RAB21: variants seen among roughly 807,000 people sequenced by gnomAD.
The protein encoded by RAB21 is RAB21, member RAS oncogene family.
In RAB21, 13 loss-of-function variants were observed where a neutral mutation model predicts 33.1. The ratio of observed to expected loss-of-function variants is 0.39; its 90% CI spans 0.26 to 0.62. RAB21 has a LOEUF of 0.62. Ranked by LOEUF, RAB21 falls within the 20% of genes least tolerant of loss-of-function variation. The pLI is 0.48. For missense variants in RAB21, 234 were observed against 279.1 expected (o/e 0.84, Z 1.15); for synonymous variants, 91 against 103.7 (o/e 0.88, Z 0.74).
At chr12:71,757,822 T>A (rs1395416587) in intron 1 of RAB21, among the ~76,000 whole-genome samples, 1 of 152,232 alleles carries the variant, frequency 6.6e-6, no homozygotes, top group African/African-American at 2.4e-5. Flanking sequence ...CTACTTTGTA[T>A]TTTATAAAGT....
intron 4 of RAB21, 52 bp from the exon 5 acceptor site, chr12:71,781,979 T>A (rs1592649924): frequency 7.2e-7 from 1 of 1,394,210 alleles, no homozygotes; most frequent in East Asian, 2.5e-5. Context: ...GGCTTAATTT[T>A]GTTATGAAAA....
At chr12:71,762,066 A>G (rs1373741830) in intron 1 of RAB21, among the ~76,000 whole-genome samples, 1 of 152,200 alleles carries the variant, frequency 6.6e-6, no homozygotes, top group East Asian at 1.9e-4. Context: ...TTAGTATTTT[A>G]TAGAAGTTTG....
chr12:71,777,684 C>T (rs1416797652), intron 4 of RAB21, among the ~76,000 whole-genome samples: 1 of 152,170 alleles, frequency 6.6e-6, no homozygotes, highest in Non-Finnish European at 1.5e-5. Context: ...ACTACTTAAA[C>T]GGCTCACTTT....
intron 2 of RAB21, 65 bp from the exon 3 acceptor site, chr12:71,770,527 C>T: frequency 9.1e-7 from 1 of 1,094,620 alleles, no homozygotes; most frequent in Non-Finnish European, 1.4e-6. Context: ...AAAAAGTTCA[C>T]CATAGTTGCA....
chr12:71,782,152 C>A, intron 5 of RAB21, 67 bp downstream of exon 5: 1 of 1,431,892 alleles, frequency 7.0e-7, no homozygotes, highest in East Asian at 2.3e-5. Flanking sequence ...ATACGTTTTG[C>A]TTTACCATTT....
chr12:71,764,119 TCTCC>T (rs765826943), intron 1 of RAB21, among the ~76,000 whole-genome samples: 154 of 152,282 alleles, frequency 1.0e-3, no homozygotes, highest in Non-Finnish European at 1.2e-3. Flanking sequence ...TTAATGTTAC[TCTCC>T]CTCCTTCCGT....
intron 1 of RAB21, among the ~76,000 whole-genome samples, chr12:71,756,029 T>C (rs1297553714): frequency 6.6e-6 from 1 of 152,208 alleles, no homozygotes; most frequent in African/African-American, 2.4e-5. Flanking sequence ...ATGTTATCAT[T>C]GATTGAGAGT....
At chr12:71,772,908 C>A (rs954208092) in intron 3 of RAB21, among the ~76,000 whole-genome samples, 7 of 152,166 alleles carry the variant, frequency 4.6e-5, no homozygotes, top group Admixed American at 3.9e-4. Context: ...AAGATAGTTC[C>A]TCTTCATTCT....
chr12:71,782,691 T>C, intron 6 of RAB21, 33 bp downstream of exon 6: 4 of 1,418,488 alleles, frequency 2.8e-6, no homozygotes, highest in Admixed American at 4.6e-5. Context: ...TGTTTAGAAA[T>C]GGTTTTTGGT....
chr12:71,799,823 A>C lies in RAB21; in HGVS notation c.*14150A>C, dbSNP rs1418848912. The C allele has an allele frequency of 6.6e-6, 1 of 152,262 alleles. No homozygotes were observed. Among genetic ancestry groups the C allele is most frequent in the Non-Finnish European group, 1.5e-5 (1 of 68,090 alleles). The allele number at this position is 152,262 out of a possible 1,614,324, so 9.4% of individuals were successfully genotyped here. A position where few individuals can be genotyped will look rare whatever the true frequency, so the allele number is the denominator to read the frequency against. Reference sequence around the variant, plus strand: ...CACAGTGGTTCACACCTGTAATCCCAGCATTTTGGGAGGCCAAGATGGGCG... The same window carrying C: ...CACAGTGGTTCACACCTGTAATCCCCGCATTTTGGGAGGCCAAGATGGGCG... On this transcript the variant is annotated 3_prime_UTR_variant, in exon 7 of 7. Transcript: ENST00000261263.
At position 71,754,983 on chromosome 12, in the gene RAB21, G is replaced by A; in HGVS notation, c.-147G>A. 4 of 738,168 alleles carry A rather than the reference G, an allele frequency of 5.4e-6. No homozygotes were observed. Among genetic ancestry groups the A allele is most frequent in the African/African-American group, 1.9e-5 (1 of 52,702 alleles). 45.7% of individuals were successfully genotyped at this position (738,168 alleles called of 1,614,324 possible). A position where few individuals can be genotyped will look rare whatever the true frequency, so the allele number is the denominator to read the frequency against. On this transcript the variant is annotated 5_prime_UTR_variant, in exon 1 of 7. Coordinates refer to ENST00000261263, the MANE Select transcript of RAB21 (RefSeq NM_014999.4). The stretch of plus-strand genomic sequence containing the variant: ...TCGGACTTTCCCTCAGCCCTTCCAG[G>A]CCTCGCCCGAGGAGGGCGTGGGGAC...
intron 1 of RAB21, among the ~76,000 whole-genome samples, chr12:71,764,860 A>G (rs1882935792): frequency 1.3e-5 from 2 of 152,102 alleles, no homozygotes; most frequent in Admixed American, 6.6e-5. Context: ...TTGTTGGTTG[A>G]TGGACACTCA....
In RAB21 at chr12:71,755,326, C is replaced by T. The variant is rs541447307; in HGVS notation, c.159+38C>T. The stretch of plus-strand genomic sequence containing the variant: ...GGGAGCGGGAGGGGGCGCCTCAGGG[C>T]CCCTACCCCTCCGGGGCTGGGGAAA... On this transcript the variant is annotated intron_variant, in intron 1 of 6. Coordinates refer to ENST00000261263, the MANE Select transcript of RAB21 (RefSeq NM_014999.4). 5.5e-6 allele frequency: 8 copies of T among 1,463,212 alleles called. No homozygotes were observed. The African/African-American group carries it at 8.9e-5, about 16-fold the overall frequency. 90.6% of individuals were successfully genotyped at this position (1,463,212 alleles called of 1,614,324 possible).
chr12:71,796,056 C>G lies in RAB21; in HGVS notation c.*10383C>G, dbSNP rs1449869920. On this transcript the variant is annotated 3_prime_UTR_variant, in exon 7 of 7. Transcript: ENST00000261263. ...CTCGCCAAGAAATGCTACAAGGAGC[C>G]TCTCTGCAAATGCCTGATGGGGCAC... 1.5e-5 allele frequency: 2 copies of G among 137,366 alleles called. 1 individual carries two copies. Among genetic ancestry groups the G allele is most frequent in the African/African-American group, 5.9e-5 (2 of 34,010 alleles). The allele number at this position is 137,366 out of a possible 1,614,324, so 8.5% of individuals were successfully genotyped here. A position where few individuals can be genotyped will look rare whatever the true frequency, so the allele number is the denominator to read the frequency against.
At chr12:71,771,678 TAAGAG>T (rs1253847256) in intron 3 of RAB21, among the ~76,000 whole-genome samples, 1 of 152,114 alleles carries the variant, frequency 6.6e-6, no homozygotes, top group Non-Finnish European at 1.5e-5. Flanking sequence ...AGTATTTTAT[TAAGAG>T]AAGATTGAGG....
At chr12:71,767,012 T>C (rs1882971125) in intron 1 of RAB21, among the ~76,000 whole-genome samples, 1 of 152,188 alleles carries the variant, frequency 6.6e-6, no homozygotes, top group East Asian at 1.9e-4. Flanking sequence ...GAAAAGTGCA[T>C]AGCACAGTAC....
rs1173129125 is a variant in RAB21 at position 71,774,001 on chromosome 12, G to T, written c.370G>T (p.Glu124Ter). 6.3e-7 allele frequency: 1 copy of T among 1,593,936 alleles called. No individual in the cohort carries two copies. The change falls in exon 4 of 7, where the codon GAA (glutamate) becomes TAA (stop). Residue 124 changes from glutamate (E) to a stop codon, truncating the protein, a stop_gained. Transcript: ENST00000261263. LOFTEE classifies it high-confidence loss of function. ...AGAATTACGGAAAATGTTGGGAAAT[G>T]AAATCTGTTTATGTATAGTTGGTAA... Reference protein sequence around the residue: ...VKELRKMLGNEICLCIVGNKI... With the variant: ...VKELRKMLGN
chr12:71,775,694 G>A (rs1458006255), intron 4 of RAB21, among the ~76,000 whole-genome samples: 5 of 152,046 alleles, frequency 3.3e-5, no homozygotes, highest in Middle Eastern at 3.4e-3. Context: ...GCACCACCAC[G>A]CCCAGCTAAT....
At position 71,787,480 on chromosome 12, in the gene RAB21, A is replaced by G. The variant is rs553578449; in HGVS notation, c.*1807A>G. ...CTTCTTATAAGAAGCAGTAGTATGT[A>G]ATAAAGCTATTAGCATGAGCAATTA... On this transcript the variant is annotated 3_prime_UTR_variant, in exon 7 of 7. Coordinates refer to ENST00000261263, the MANE Select transcript of RAB21 (RefSeq NM_014999.4). 1 of 152,322 alleles carries G rather than the reference A, an allele frequency of 6.6e-6. No homozygotes were observed. Among genetic ancestry groups the G allele is most frequent in the East Asian group, 1.9e-4 (1 of 5,182 alleles). 9.4% of individuals were successfully genotyped at this position (152,322 alleles called of 1,614,324 possible). A position where few individuals can be genotyped will look rare whatever the true frequency, so the allele number is the denominator to read the frequency against.
Sources: gnomAD v4.1 joint callset for allele counts (sites outside exome capture counted in the v4.1 genomes callset) on GRCh38, gnomAD v4.1.1 for gene constraint, MANE v1.5 for transcripts, NCBI Gene and HGNC (gene_info 2026-07-23, HGNC 2026-07-21) for gene names.